The following FAM135B variants were observed in gnomAD, a reference collection of about 807,000 sequenced individuals.
The protein encoded by FAM135B is family with sequence similarity 135 member B, also known as protein FAM135B.
Under a neutral mutation model 127.7 loss-of-function variants are expected in FAM135B, and 43 were observed. The observed-to-expected ratio is 0.34, with a 90% CI of 0.26 to 0.43. The LOEUF (loss-of-function observed/expected upper bound fraction) is 0.43, where lower values mean the gene tolerates loss of function less well. Among genes scored for constraint, FAM135B ranks in the 20% least tolerant of loss-of-function variants. The pLI, the probability that FAM135B is intolerant of heterozygous loss-of-function variation, is 1.00. For synonymous variants in FAM135B, 670 were observed against 665.1 expected (o/e 1.01, Z -0.11); for missense variants, 1,558 against 1,725.6 (o/e 0.90, Z 1.72).
At chr8:138,348,245 C>G (rs1319285827) in intron 2 of FAM135B, among the ~76,000 whole-genome samples, 5 of 137,418 alleles carry the variant, frequency 3.6e-5, no homozygotes, top group Non-Finnish European at 6.1e-5. Context: ...AGCAATTTTC[C>G]TGTCTCAGCC....
intron 7 of FAM135B, among the ~76,000 whole-genome samples, chr8:138,230,962 A>G (rs1819861379): frequency 1.3e-5 from 2 of 152,130 alleles, no homozygotes; most frequent in Non-Finnish European, 1.5e-5. Context: ...TGCAGGTTAC[A>G]TGAAGTTACT....
intron 1 of FAM135B, among the ~76,000 whole-genome samples, chr8:138,401,088 T>G (rs997875152): frequency 2.0e-5 from 3 of 152,172 alleles, no homozygotes; most frequent in African/African-American, 7.2e-5. Context: ...CAAGCTTTTA[T>G]ATAAAATATT....
At chr8:138,406,077 G>C (rs1013171739) in intron 1 of FAM135B, among the ~76,000 whole-genome samples, 12 of 147,656 alleles carry the variant, frequency 8.1e-5, no homozygotes, top group Non-Finnish European at 1.5e-4. Flanking sequence ...CTCCTTTCTT[G>C]TAAATTTGTT....
intron 2 of FAM135B, among the ~76,000 whole-genome samples, chr8:138,328,507 C>T (rs753970522): frequency 1.3e-5 from 2 of 152,072 alleles, no homozygotes; most frequent in Admixed American, 6.6e-5. Flanking sequence ...TGGGGAAATG[C>T]GGGAGGGCAA....
At chr8:138,380,983 AAAC>A (rs1231417212) in intron 1 of FAM135B, among the ~76,000 whole-genome samples, 1 of 141,004 alleles carries the variant, frequency 7.1e-6, no homozygotes, top group East Asian at 2.9e-4. Flanking sequence ...AAAAACAAAC[AAAC>A]AAAAAAAAAC....
chr8:138,288,830 T>G (rs1411819784), intron 3 of FAM135B, among the ~76,000 whole-genome samples: 1 of 152,186 alleles, frequency 6.6e-6, no homozygotes, highest in Non-Finnish European at 1.5e-5. Flanking sequence ...TAAAATCTCC[T>G]AAAAAATGTT....
intron 2 of FAM135B, among the ~76,000 whole-genome samples, chr8:138,365,157 C>G (rs1830663039): frequency 6.6e-6 from 1 of 152,120 alleles, no homozygotes; most frequent in Non-Finnish European, 1.5e-5. Context: ...GATCACGTAG[C>G]ATTTTTGTTC....
At chr8:138,308,834 T>C (rs552837187) in intron 3 of FAM135B, 6 of 265,810 alleles carry the variant, frequency 2.3e-5, no homozygotes, top group Admixed American at 1.4e-4. Context: ...AGCAGAGTCC[T>C]TGACGGGAGC....
At chr8:138,266,569 C>T (rs894431202) in intron 3 of FAM135B, among the ~76,000 whole-genome samples, 5 of 150,014 alleles carry the variant, frequency 3.3e-5, no homozygotes, top group Non-Finnish European at 5.9e-5. Context: ...GTTGGAGATA[C>T]GTGTAAAAAA....
intron 7 of FAM135B, among the ~76,000 whole-genome samples, chr8:138,206,235 C>T (rs74660278): frequency 4.0e-5 from 4 of 99,426 alleles, no homozygotes; most frequent in South Asian, 3.1e-4. Flanking sequence ...CTACACACAG[C>T]TCTCTCATCC....
intron 4 of FAM135B, among the ~76,000 whole-genome samples, chr8:138,260,899 C>T (rs1252540014): frequency 6.6e-6 from 1 of 152,124 alleles, no homozygotes; most frequent in Non-Finnish European, 1.5e-5. Flanking sequence ...TGACCTTTGG[C>T]GGAGTCTCTG....
At chr8:138,154,140 T>C (rs1157393460) in intron 12 of FAM135B, among the ~76,000 whole-genome samples, 1 of 152,158 alleles carries the variant, frequency 6.6e-6, no homozygotes, top group Non-Finnish European at 1.5e-5. Flanking sequence ...ATATTTGCTG[T>C]TCTGCAGCCT....
chr8:138,219,089 T>C (rs923104480), intron 7 of FAM135B, among the ~76,000 whole-genome samples: 3 of 152,150 alleles, frequency 2.0e-5, no homozygotes, highest in Non-Finnish European at 4.4e-5. Context: ...ATCTGAACAC[T>C]AGTAATTTGG....
rs374711628 is a variant in FAM135B at position 138,139,064 on chromosome 8, C to T, written c.3823G>A (p.Gly1275Arg). The T allele has an allele frequency of 2.0e-5, 33 of 1,613,114 alleles. No homozygotes were observed. The highest frequency in any genetic ancestry group is 2.6e-5 in the Non-Finnish European group (31 of 1,179,358). ...CTGAAGGTCAGCTGCAGTAGAGACC[C>T]GGATTTCTTCAGTTTCTGCATGAGC... The part of the protein sequence containing the change: ...LWLMQKLKKS[G>R]SLLQLTFRDN... The change falls in exon 18 of 20, where the codon GGG (glycine) becomes AGG (arginine). Residue 1275 changes from glycine (G) to arginine (R), a missense_variant. By Grantham distance (125) the Gly-to-Arg change is moderately radical (BLOSUM62 -2). This residue lies in a region of FAM135B where 194 missense variants were observed against 333.8 expected (regional missense o/e 0.58). Coordinates refer to ENST00000395297, the MANE Select transcript of FAM135B (RefSeq NM_015912.4).
intron 4 of FAM135B, among the ~76,000 whole-genome samples, chr8:138,262,903 G>GAAAAAAAA (rs71316332): frequency 1.0e-5 from 1 of 95,366 alleles, no homozygotes; most frequent in Non-Finnish European, 1.9e-5. Flanking sequence ...CTCTGTCTCA[G>GAAAAAAAA]AAAAAAAAAA....
intron 1 of FAM135B, among the ~76,000 whole-genome samples, chr8:138,474,090 C>T (rs1414562761): frequency 1.3e-5 from 2 of 152,178 alleles, no homozygotes; most frequent in African/African-American, 4.8e-5. Context: ...GTTTGCAAAA[C>T]CATTGTAGAG....
intron 7 of FAM135B, among the ~76,000 whole-genome samples, chr8:138,222,663 A>C: frequency 8.0e-6 from 1 of 124,464 alleles, no homozygotes; most frequent in African/African-American, 3.0e-5. Flanking sequence ...TGTTTGTAGG[A>C]TTTTTGTTGG....
intron 9 of FAM135B, among the ~76,000 whole-genome samples, chr8:138,184,953 T>C (rs548843269): frequency 6.6e-6 from 1 of 152,296 alleles, no homozygotes; most frequent in African/African-American, 2.4e-5. Flanking sequence ...GTTCTAAAAT[T>C]GGAAAGAGAA....
At chr8:138,213,098 T>C (rs1173638100) in intron 7 of FAM135B, among the ~76,000 whole-genome samples, 1 of 152,190 alleles carries the variant, frequency 6.6e-6, no homozygotes, top group Non-Finnish European at 1.5e-5. Context: ...ATTCAGATAC[T>C]GGCTTTGTAA....
Sources: allele counts gnomAD v4.1 joint callset (sites outside exome capture counted in the v4.1 genomes callset), GRCh38; gene constraint gnomAD v4.1.1; regional missense constraint gnomAD v4.1.1; transcripts MANE v1.5; gene names NCBI Gene and HGNC (gene_info 2026-07-23, HGNC 2026-07-21).